Variants in RTL4 observed in about 807,000 individuals in gnomAD.
The protein encoded by RTL4 is retrotransposon Gag like 4.
In RTL4, 4 loss-of-function variants were observed where a neutral mutation model predicts 5.3. That is an observed-to-expected ratio of 0.75 (90% CI 0.37 to 1.72). The LOEUF is 1.72. Ranked by LOEUF, RTL4 falls within the 40% of genes most tolerant of loss-of-function variation. RTL4 has a pLI of 0.04. For synonymous variants in RTL4, 98 were observed against 87.3 expected (o/e 1.12, Z -0.68); for missense variants, 260 against 227.1 (o/e 1.14, Z -0.93).
the RTL4 span, among the ~76,000 whole-genome samples, chrX:112,192,207 G>A: frequency 2.8e-5 from 3 of 107,150 alleles, no homozygotes; most frequent in Non-Finnish European, 5.8e-5. Flanking sequence ...TCTTTAAGTA[G>A]ACAGAGTTTT....
the RTL4 span, among the ~76,000 whole-genome samples, chrX:112,188,784 C>T: frequency 9.0e-6 from 1 of 111,103 alleles, no homozygotes; most frequent in Non-Finnish European, 1.9e-5. Context: ...ACTATCCCCC[C>T]CGCCTCCCAT....
the RTL4 span, among the ~76,000 whole-genome samples, chrX:112,272,381 C>A: frequency 9.0e-6 from 1 of 111,567 alleles, no homozygotes; most frequent in South Asian, 3.8e-4. Context: ...GATTTGTCTG[C>A]GCAGTGGATC....
At chrX:112,295,894 T>A in the RTL4 span, among the ~76,000 whole-genome samples, 27,683 of 111,746 alleles carry the variant, frequency 0.25, 2,799 homozygotes, top group African/African-American at 0.35. Context: ...AATGTCTCAG[T>A]TCCAAAGTCA....
the RTL4 span, chrX:112,320,488 TC>T: frequency 1.8e-5 from 2 of 111,101 alleles, no homozygotes; most frequent in Non-Finnish European, 3.8e-5. Flanking sequence ...TTAGATGTGT[TC>T]CTATGTTCAA....
the RTL4 span, among the ~76,000 whole-genome samples, chrX:112,330,722 A>T: frequency 9.0e-6 from 1 of 111,608 alleles, no homozygotes; most frequent in Non-Finnish European, 1.9e-5. Context: ...CAAAAGAACA[A>T]AGTTGGAGGC....
the RTL4 span, among the ~76,000 whole-genome samples, chrX:112,401,092 A>G: frequency 8.9e-6 from 1 of 111,740 alleles, no homozygotes; most frequent in Non-Finnish European, 1.9e-5. Context: ...GGTAATTGTT[A>G]TTTCATATAT....
chrX:112,162,048 CTT>C, the RTL4 span, among the ~76,000 whole-genome samples: 3 of 109,892 alleles, frequency 2.7e-5, no homozygotes, highest in Non-Finnish European at 5.7e-5. Flanking sequence ...TTAGAAATAA[CTT>C]ATATTTCTTC....
At chrX:112,088,139 C>A in the RTL4 span, among the ~76,000 whole-genome samples, 1 of 109,414 alleles carries the variant, frequency 9.1e-6, no homozygotes, top group Non-Finnish European at 1.9e-5. Flanking sequence ...GCATGAGACA[C>A]CGCGCCTGGC....
At chrX:112,142,229 C>T in the RTL4 span, among the ~76,000 whole-genome samples, 2 of 112,448 alleles carry the variant, frequency 1.8e-5, no homozygotes, top group Non-Finnish European at 3.8e-5. Flanking sequence ...GCTGCCTCAT[C>T]GACTGACTTT....
the RTL4 span, among the ~76,000 whole-genome samples, chrX:112,128,993 A>G: frequency 9.0e-6 from 1 of 111,690 alleles, no homozygotes; most frequent in Non-Finnish European, 1.9e-5. Context: ...CTCAACAACA[A>G]AAGGGCAAAC....
At chrX:112,238,267 C>A in the RTL4 span, among the ~76,000 whole-genome samples, 2,555 of 111,918 alleles carry the variant, frequency 0.023, 30 homozygotes, top group South Asian at 0.057. Context: ...TCACCATAAA[C>A]AATTGATATT....
chrX:112,084,571 A>G, the RTL4 span, among the ~76,000 whole-genome samples: 1 of 110,960 alleles, frequency 9.0e-6, no homozygotes, highest in African/African-American at 3.3e-5. Flanking sequence ...GAACCAGCAA[A>G]CTAATATACA....
chrX:112,406,431 G>C, the RTL4 span, among the ~76,000 whole-genome samples: 1 of 110,241 alleles, frequency 9.1e-6, no homozygotes, highest in African/African-American at 3.3e-5. Flanking sequence ...CGAGGGGAGA[G>C]GTGTCACAGT....
At chrX:112,336,758 A>G in the RTL4 span, among the ~76,000 whole-genome samples, 5 of 112,086 alleles carry the variant, frequency 4.5e-5, no homozygotes, top group East Asian at 8.4e-4. Flanking sequence ...GAGAAATTCT[A>G]TTGAATAGCA....
chrX:112,254,292 C>T, the RTL4 span, among the ~76,000 whole-genome samples: 4 of 109,833 alleles, frequency 3.6e-5, no homozygotes, highest in African/African-American at 1.0e-4. Context: ...CGGTGTCAGA[C>T]GGACCTGGCT....
chrX:112,149,988 T>C, the RTL4 span, among the ~76,000 whole-genome samples: 1 of 111,448 alleles, frequency 9.0e-6, no homozygotes, highest in East Asian at 2.8e-4. Flanking sequence ...TGGGGATTTC[T>C]GGTAGACGAT....
At chrX:112,183,267 A>G in the RTL4 span, among the ~76,000 whole-genome samples, 4 of 112,132 alleles carry the variant, frequency 3.6e-5, no homozygotes, top group Non-Finnish European at 7.5e-5. Context: ...AACGGGCAAA[A>G]TAACCAGCTA....
At chrX:112,396,462 T>G in the RTL4 span, among the ~76,000 whole-genome samples, 12 of 111,204 alleles carry the variant, frequency 1.1e-4, no homozygotes, top group African/African-American at 3.6e-4. Flanking sequence ...TGTAGATAGT[T>G]GTTAAATTTG....
At chrX:112,426,116 GGTCT>G in the RTL4 span, among the ~76,000 whole-genome samples, 6 of 111,157 alleles carry the variant, frequency 5.4e-5, no homozygotes, top group African/African-American at 2.0e-4. Context: ...ACATGTATAA[GGTCT>G]GTGTTTAGAT....
Sources: gnomAD v4.1 joint callset for allele counts (sites outside exome capture counted in the v4.1 genomes callset) on GRCh38, gnomAD v4.1.1 for gene constraint, MANE v1.5 for transcripts, NCBI Gene and HGNC (gene_info 2026-07-23, HGNC 2026-07-21) for gene names.